RAB10: variants seen among roughly 807,000 people sequenced by gnomAD.
RAB10 encodes the protein ras-related protein Rab-10.
Under a neutral mutation model 25.7 loss-of-function variants are expected in RAB10, and 5 were observed. The ratio of observed to expected loss-of-function variants is 0.19; its 90% CI spans 0.10 to 0.41. The LOEUF is 0.41. Ranked by LOEUF, RAB10 falls within the 10% of genes least tolerant of loss-of-function variation. RAB10 has a pLI of 1.00. For synonymous variants in RAB10, 89 were observed against 86.4 expected (o/e 1.03, Z -0.16); for missense variants, 103 against 245.8 (o/e 0.42, Z 3.89).
At chr2:26,106,221 T>C (rs1667460673) in intron 2 of RAB10, among the ~76,000 whole-genome samples, 1 of 152,198 alleles carries the variant, frequency 6.6e-6, no homozygotes, top group Non-Finnish European at 1.5e-5. Flanking sequence ...CTGGGAAAAT[T>C]TTTATGTAAA....
intron 1 of RAB10, among the ~76,000 whole-genome samples, chr2:26,047,572 A>G (rs1666040124): frequency 6.6e-6 from 1 of 151,272 alleles, no homozygotes; most frequent in African/African-American, 2.4e-5. Context: ...ACCCACCACC[A>G]TGCCCAGCTA....
intron 1 of RAB10, among the ~76,000 whole-genome samples, chr2:26,088,317 T>TA (rs1454186878): frequency 6.6e-6 from 1 of 152,180 alleles, no homozygotes; most frequent in Admixed American, 6.5e-5. Flanking sequence ...CTTGAGCAGC[T>TA]AAAAATTGAA....
chr2:26,050,733 C>T (rs949342920), intron 1 of RAB10, among the ~76,000 whole-genome samples: 5 of 152,068 alleles, frequency 3.3e-5, no homozygotes, highest in Non-Finnish European at 7.4e-5. Context: ...AAGCAATCCT[C>T]CCACTTCAGC....
At chr2:26,056,878 T>TC (rs1193148551) in intron 1 of RAB10, among the ~76,000 whole-genome samples, 1 of 152,092 alleles carries the variant, frequency 6.6e-6, no homozygotes, top group African/African-American at 2.4e-5. Flanking sequence ...TCCTCTTGCC[T>TC]CCTAAAGTGC....
intron 1 of RAB10, among the ~76,000 whole-genome samples, chr2:26,091,746 C>T (rs1241836219): frequency 6.6e-6 from 1 of 152,026 alleles, no homozygotes; most frequent in African/African-American, 2.4e-5. Flanking sequence ...AAAGAGAAGT[C>T]CACTTCAGTT....
intron 1 of RAB10, among the ~76,000 whole-genome samples, chr2:26,086,047 G>T (rs1175165704): frequency 1.4e-5 from 2 of 143,922 alleles, no homozygotes; most frequent in East Asian, 4.1e-4. Flanking sequence ...CGATGCGGTA[G>T]CTCACGCCTG....
chr2:26,033,696 A>G (rs959395199), upstream of RAB10, among the ~76,000 whole-genome samples: 1 of 152,178 alleles, frequency 6.6e-6, no homozygotes, highest in Non-Finnish European at 1.5e-5. Context: ...CGCTGTGCAG[A>G]GAAACCGCAG....
chr2:26,045,482 G>A (rs1462993388), intron 1 of RAB10, among the ~76,000 whole-genome samples: 2 of 151,654 alleles, frequency 1.3e-5, no homozygotes, highest in South Asian at 4.2e-4. Context: ...CTCATGATCC[G>A]CCCGCCTCTG....
At chr2:26,071,702 A>AG (rs1666630383) in intron 1 of RAB10, among the ~76,000 whole-genome samples, 2 of 125,664 alleles carry the variant, frequency 1.6e-5, no homozygotes, top group South Asian at 5.1e-4. Flanking sequence ...AAAAAAAAAA[A>AG]GGAAGTTTGG....
intron 3 of RAB10, among the ~76,000 whole-genome samples, chr2:26,122,257 T>C (rs922896903): frequency 2.6e-5 from 4 of 152,228 alleles, no homozygotes; most frequent in Non-Finnish European, 5.9e-5. Context: ...GTGTGAAACC[T>C]TGCACTTTTT....
At chr2:26,080,662 A>G (rs1666850086) in intron 1 of RAB10, among the ~76,000 whole-genome samples, 1 of 151,922 alleles carries the variant, frequency 6.6e-6, no homozygotes, top group Non-Finnish European at 1.5e-5. Context: ...ACACTACCAC[A>G]CCTGGCTAGT....
At chr2:26,059,913 A>G (rs1274484658) in intron 1 of RAB10, among the ~76,000 whole-genome samples, 1 of 152,230 alleles carries the variant, frequency 6.6e-6, no homozygotes. Flanking sequence ...GATGTGTTTT[A>G]AATTATGTGG....
At chr2:26,034,906 C>T (rs1435731433) in intron 1 of RAB10, among the ~76,000 whole-genome samples, 171 bp downstream of exon 1, 1 of 152,182 alleles carries the variant, frequency 6.6e-6, no homozygotes, top group Non-Finnish European at 1.5e-5. Context: ...CGGGGTCTTC[C>T]CATGATTTCC....
chr2:26,058,693 CTTG>C (rs1473562742), intron 1 of RAB10, among the ~76,000 whole-genome samples: 1 of 152,226 alleles, frequency 6.6e-6, no homozygotes, highest in African/African-American at 2.4e-5. Flanking sequence ...GACCTGTGCG[CTTG>C]TTGTTCTCTG....
At chr2:26,063,075 A>G (rs1666442435) in intron 1 of RAB10, among the ~76,000 whole-genome samples, 2 of 150,402 alleles carry the variant, frequency 1.3e-5, no homozygotes, top group African/African-American at 2.4e-5. Flanking sequence ...ACATCACACC[A>G]TTGCACTCCA....
intron 1 of RAB10, among the ~76,000 whole-genome samples, chr2:26,090,920 C>T (rs181394834): frequency 7.4e-5 from 10 of 134,518 alleles, no homozygotes; most frequent in Admixed American, 5.6e-4. Context: ...GGCAAAAGAG[C>T]GAGACCCTGT....
chr2:26,062,334 G>A (rs1666416851), intron 1 of RAB10, among the ~76,000 whole-genome samples: 1 of 152,068 alleles, frequency 6.6e-6, no homozygotes, highest in Non-Finnish European at 1.5e-5. Flanking sequence ...GTATTATGAT[G>A]CTTTTATTTG....
chr2:26,051,309 T>C (rs1422921595), intron 1 of RAB10, among the ~76,000 whole-genome samples: 1 of 150,028 alleles, frequency 6.7e-6, no homozygotes, highest in Non-Finnish European at 1.5e-5. Context: ...TTATTTGATG[T>C]TTTCTTCTAT....
chr2:26,111,786 G>A (rs1051253258), intron 3 of RAB10, among the ~76,000 whole-genome samples: 7 of 152,096 alleles, frequency 4.6e-5, no homozygotes, highest in Admixed American at 2.6e-4. Flanking sequence ...GCTATTCAAT[G>A]CTATTCTGAC....
Sources: allele counts gnomAD v4.1 joint callset (sites outside exome capture counted in the v4.1 genomes callset), GRCh38; gene constraint gnomAD v4.1.1; transcripts MANE v1.5; gene names NCBI Gene and HGNC (gene_info 2026-07-23, HGNC 2026-07-21).